The following NTM variants were observed in gnomAD, a reference collection of about 807,000 sequenced individuals.
NTM encodes neurotrimin, also known as IgLON family member 2.
In NTM, 13 loss-of-function variants were observed where a neutral mutation model predicts 42.1. That is an observed-to-expected ratio of 0.31 (90% CI 0.20 to 0.49). The LOEUF (loss-of-function observed/expected upper bound fraction) is 0.49, where lower values mean the gene tolerates loss of function less well. Among genes scored for constraint, NTM ranks in the 20% least tolerant of loss-of-function variants. NTM has a pLI of 0.99. For synonymous variants in NTM, 187 were observed against 179.2 expected, an observed-to-expected ratio of 1.04 and a Z score of -0.35; for missense variants, 373 against 452.8, an observed-to-expected ratio of 0.82 and a Z score of 1.60.
chr11:132,091,681 T>C lies in NTM; in HGVS notation c.168-54601T>C, dbSNP rs560653516. 2.6e-5 allele frequency among the ~76,000 whole-genome samples: 4 copies of C among 152,048 alleles called. No homozygotes were observed. The South Asian group carries it at 8.3e-4, about 32-fold the overall frequency. On this transcript the variant is annotated intron_variant, in intron 2 of 8. Coordinates refer to ENST00000683400, the MANE Select transcript of NTM (RefSeq NM_001352005.2). ...TTGCTTGTATACTTGGTGGTCTGCT[T>C]ACATTACCCAGGCTGATCTTGAACT...
chr11:132,090,126 C>T (rs1199510357), intron 2 of NTM, among the ~76,000 whole-genome samples: 1 of 152,038 alleles, frequency 6.6e-6, no homozygotes, highest in Non-Finnish European at 1.5e-5. Context: ...AGTAACTTGC[C>T]TAAGGAAAGA....
chr11:132,194,081 AAGG>A (rs1211127441), intron 3 of NTM, among the ~76,000 whole-genome samples: 2 of 151,976 alleles, frequency 1.3e-5, no homozygotes, highest in African/African-American at 4.8e-5. Flanking sequence ...CCAAAAAATA[AAGG>A]AGGAGGGACT....
intron 4 of NTM, among the ~76,000 whole-genome samples, chr11:132,224,980 T>C (rs2085908966): frequency 6.6e-6 from 1 of 152,222 alleles, no homozygotes; most frequent in Non-Finnish European, 1.5e-5. Flanking sequence ...CTGATTTATT[T>C]CTGCCTGCTG....
intron 1 of NTM, among the ~76,000 whole-genome samples, chr11:131,814,314 C>G (rs939078168): frequency 9.9e-5 from 15 of 152,142 alleles, no homozygotes; most frequent in African/African-American, 3.1e-4. Context: ...ACTTCCCCTT[C>G]CAGATCATTA....
At chr11:131,576,088 AAG>A (rs1190636587) in intron 1 of NTM, among the ~76,000 whole-genome samples, 1 of 152,156 alleles carries the variant, frequency 6.6e-6, no homozygotes, top group Admixed American at 6.5e-5. Context: ...GGGCTGGAAA[AAG>A]GGAGTCAGTA....
intron 1 of NTM, among the ~76,000 whole-genome samples, chr11:131,722,468 A>G (rs189800148): frequency 2.0e-5 from 3 of 152,336 alleles, no homozygotes; most frequent in African/African-American, 7.2e-5. Flanking sequence ...CACATAAATG[A>G]TTGAACACTT....
chr11:132,147,242 T>C (rs555582812), intron 3 of NTM, among the ~76,000 whole-genome samples: 1 of 146,832 alleles, frequency 6.8e-6, no homozygotes, highest in South Asian at 2.2e-4. Context: ...AGAGAGAGAA[T>C]ATGTGTGTTG....
chr11:132,257,812 CCT>C (rs896407833), intron 4 of NTM, among the ~76,000 whole-genome samples: 2 of 152,320 alleles, frequency 1.3e-5, no homozygotes, highest in South Asian at 2.1e-4. Flanking sequence ...AAGCCCATTG[CCT>C]CTCTTTATAA....
chr11:132,316,479 G>C (rs1213829648), intron 7 of NTM, among the ~76,000 whole-genome samples: 1 of 152,182 alleles, frequency 6.6e-6, no homozygotes, highest in East Asian at 1.9e-4. Flanking sequence ...TTTCTAAAAA[G>C]GACATGGAAA....
intron 2 of NTM, among the ~76,000 whole-genome samples, chr11:131,987,133 G>C (rs547050039): frequency 6.6e-6 from 1 of 152,132 alleles, no homozygotes; most frequent in African/African-American, 2.4e-5. Context: ...GGAAACTGAT[G>C]CACTAAAAGG....
At chr11:132,053,435 C>A (rs1310052005) in intron 2 of NTM, among the ~76,000 whole-genome samples, 1 of 152,164 alleles carries the variant, frequency 6.6e-6, no homozygotes, top group African/African-American at 2.4e-5. Flanking sequence ...CTCACCAAGG[C>A]TAGGAGAAAA....
At chr11:131,497,314 G>A (rs542665995) in intron 1 of NTM, among the ~76,000 whole-genome samples, 3 of 152,176 alleles carry the variant, frequency 2.0e-5, no homozygotes, top group African/African-American at 4.8e-5. Flanking sequence ...TCAGCCTCCC[G>A]AGTAGCTGGG....
At chr11:131,414,096 G>A (rs750986715) in intron 1 of NTM, among the ~76,000 whole-genome samples, 19 of 152,184 alleles carry the variant, frequency 1.2e-4, no homozygotes, top group Non-Finnish European at 2.5e-4. Flanking sequence ...TTCCACCAGT[G>A]TCGCTCCTGA....
chr11:132,221,479 G>A (rs2085148919), intron 4 of NTM, among the ~76,000 whole-genome samples: 1 of 152,178 alleles, frequency 6.6e-6, no homozygotes, highest in South Asian at 2.1e-4. Flanking sequence ...TCCAAGCCAG[G>A]TAGTCGGTCT....
intron 1 of NTM, among the ~76,000 whole-genome samples, chr11:131,401,258 C>T (rs573999219): frequency 7.9e-5 from 12 of 152,236 alleles, no homozygotes; most frequent in Non-Finnish European, 1.2e-4. Flanking sequence ...CACCAGAGGG[C>T]CACATCCCAT....
intron 3 of NTM, among the ~76,000 whole-genome samples, chr11:132,196,235 A>G (rs1252677600): frequency 6.6e-6 from 1 of 152,196 alleles, no homozygotes. Context: ...ATGCAAATCA[A>G]ACCACAATGA....
At chr11:132,100,266 T>G (rs2136538114) in intron 2 of NTM, among the ~76,000 whole-genome samples, 1 of 152,342 alleles carries the variant, frequency 6.6e-6, no homozygotes, top group African/African-American at 2.4e-5. Flanking sequence ...AGAGTTTGTT[T>G]AGTATCTTTG....
At chr11:131,734,113 A>T (rs789554) in intron 1 of NTM, among the ~76,000 whole-genome samples, 23,635 of 152,204 alleles carry the variant, frequency 0.16, 2,191 homozygotes, top group South Asian at 0.24. Context: ...CAGTGGGGCC[A>T]TGCAGGAGGA....
intron 2 of NTM, among the ~76,000 whole-genome samples, chr11:131,912,921 G>A (rs928548644): frequency 1.3e-5 from 2 of 152,188 alleles, no homozygotes; most frequent in African/African-American, 4.8e-5. Flanking sequence ...CATTGCCAAA[G>A]GAAGTGTGTA....
Sources: allele counts gnomAD v4.1 joint callset (sites outside exome capture counted in the v4.1 genomes callset), GRCh38; gene constraint gnomAD v4.1.1; transcripts MANE v1.5; gene names NCBI Gene and HGNC (gene_info 2026-07-23, HGNC 2026-07-21).